Variants in LPP observed in about 807,000 individuals in gnomAD.
The protein encoded by LPP is LIM domain containing preferred translocation partner in lipoma, also known as lipoma-preferred partner.
LPP carries 38 observed loss-of-function variants against 60.4 expected under a neutral mutation model. That is an observed-to-expected ratio of 0.63 (90% CI 0.49 to 0.83). The LOEUF (loss-of-function observed/expected upper bound fraction) is 0.83, where lower values mean the gene tolerates loss of function less well. LPP is among the 40% of genes least tolerant of loss of function. LPP has a pLI of 0.00. For synonymous variants in LPP, 328 were observed against 290.8 expected, an observed-to-expected ratio of 1.13 and a Z score of -1.30; for missense variants, 902 against 783.6, an observed-to-expected ratio of 1.15 and a Z score of -1.80.
At chr3:188,510,457 C>G (rs541084479) in intron 5 of LPP, among the ~76,000 whole-genome samples, 1 of 152,306 alleles carries the variant, frequency 6.6e-6, no homozygotes, top group Non-Finnish European at 1.5e-5. Context: ...GGAATTTCTG[C>G]TGGGAGTGTT....
Position 188,888,013 on chromosome 3 carries a change from G to A in LPP, c.*13534G>A, listed in dbSNP as rs71308941. The A allele has an allele frequency of 0.034, 7,319 of 212,762 alleles. 162 individuals are homozygous for A. The highest frequency in any genetic ancestry group is 0.051 in the Non-Finnish European group (5,342 of 105,176). The allele number at this position is 212,762 out of a possible 1,614,324, so 13.2% of individuals were successfully genotyped here. On this transcript the variant is annotated 3_prime_UTR_variant, in exon 12 of 12. Transcript: ENST00000617246. ...TGACACTTGATTGTCTGATTATTTG[G>A]CATGTATAAAATTATCATGTGGCTT... is the stretch of plus-strand genomic sequence containing the variant.
At chr3:188,460,510 C>G (rs1303560290) in intron 4 of LPP, among the ~76,000 whole-genome samples, 1 of 152,182 alleles carries the variant, frequency 6.6e-6, no homozygotes, top group Non-Finnish European at 1.5e-5. Flanking sequence ...GAACAGAATT[C>G]TCTTTAATCT....
chr3:188,361,751 A>G (rs369685688), intron 3 of LPP, among the ~76,000 whole-genome samples: 1 of 151,954 alleles, frequency 6.6e-6, no homozygotes. Context: ...TATTTTTAGT[A>G]GAGATGGGGT....
chr3:188,818,780 C>T (rs1459425069), intron 9 of LPP, among the ~76,000 whole-genome samples: 1 of 152,174 alleles, frequency 6.6e-6, no homozygotes. Context: ...CCTTCCCTTG[C>T]AGAGTTGTTA....
intron 9 of LPP, among the ~76,000 whole-genome samples, chr3:188,818,502 G>A (rs748400975): frequency 6.6e-6 from 1 of 152,210 alleles, no homozygotes; most frequent in Non-Finnish European, 1.5e-5. Context: ...GGACTTTCAC[G>A]GTTCCATGTC....
intron 8 of LPP, among the ~76,000 whole-genome samples, chr3:188,757,882 T>TTTTTTGG (rs1730794953): frequency 1.0e-5 from 1 of 96,330 alleles, no homozygotes; most frequent in South Asian, 4.2e-4. Context: ...GTGGTTTTGT[T>TTTTTTGG]TTTTTGGTTT....
intron 9 of LPP, among the ~76,000 whole-genome samples, chr3:188,855,106 G>C (rs1455499102): frequency 6.6e-6 from 1 of 152,172 alleles, no homozygotes; most frequent in Non-Finnish European, 1.5e-5. Flanking sequence ...TAAGTAAAAA[G>C]AGCATTCTCC....
At chr3:188,266,460 GAGA>G (rs1026055478) in intron 2 of LPP, among the ~76,000 whole-genome samples, 7 of 151,788 alleles carry the variant, frequency 4.6e-5, no homozygotes, top group African/African-American at 9.7e-5. Flanking sequence ...AGTGGCTGGG[GAGA>G]AGATGTGAAA....
intron 2 of LPP, among the ~76,000 whole-genome samples, chr3:188,297,476 A>T (rs1254999338): frequency 2.0e-5 from 3 of 152,246 alleles, no homozygotes; most frequent in Non-Finnish European, 4.4e-5. Flanking sequence ...AGCAGAAAAG[A>T]TTCTTGGAAA....
At chr3:188,173,880 A>T (rs1206288547) in intron 1 of LPP, among the ~76,000 whole-genome samples, 1 of 152,234 alleles carries the variant, frequency 6.6e-6, no homozygotes, top group Non-Finnish European at 1.5e-5. Flanking sequence ...GTGAGCAACT[A>T]TCGGGGACTC....
At chr3:188,488,851 T>G (rs957099725) in intron 5 of LPP, among the ~76,000 whole-genome samples, 1 of 151,976 alleles carries the variant, frequency 6.6e-6, no homozygotes, top group African/African-American at 2.4e-5. Flanking sequence ...ATTGGCCAGG[T>G]TGGTCTCAAA....
chr3:188,746,570 C>G (rs1181304356), intron 8 of LPP: 2 of 485,306 alleles, frequency 4.1e-6, no homozygotes, highest in South Asian at 1.6e-5. Context: ...TGTGGTATCT[C>G]TTGCCCAAGA....
At chr3:188,503,752 A>C (rs1812640015) in intron 5 of LPP, among the ~76,000 whole-genome samples, 1 of 151,786 alleles carries the variant, frequency 6.6e-6, no homozygotes, top group South Asian at 2.1e-4. Context: ...AGCACTTTGA[A>C]TATATTGGCC....
intron 7 of LPP, among the ~76,000 whole-genome samples, chr3:188,619,335 C>T (rs1845408538): frequency 6.6e-6 from 1 of 152,124 alleles, no homozygotes; most frequent in Non-Finnish European, 1.5e-5. Context: ...AGAAACCATG[C>T]TTTATAATCC....
intron 9 of LPP, among the ~76,000 whole-genome samples, chr3:188,841,389 ATTTG>A (rs199785072): frequency 2.1e-5 from 2 of 94,556 alleles, no homozygotes; most frequent in African/African-American, 9.5e-5. Flanking sequence ...CCCTTTCTGA[ATTTG>A]TTTTTTTTTT....
intron 7 of LPP, among the ~76,000 whole-genome samples, chr3:188,615,141 C>G (rs1448708084): frequency 1.3e-5 from 2 of 152,174 alleles, no homozygotes; most frequent in Non-Finnish European, 2.9e-5. Context: ...TTTGCAAAAA[C>G]CTTAATAAGT....
chr3:188,725,936 T>C (rs1405012697), intron 8 of LPP, among the ~76,000 whole-genome samples: 1 of 152,086 alleles, frequency 6.6e-6, no homozygotes, highest in Admixed American at 6.6e-5. Flanking sequence ...GACAAAGGTA[T>C]AGAGACCAAC....
chr3:188,444,892 A>C (rs903538568), intron 4 of LPP, among the ~76,000 whole-genome samples: 2 of 152,220 alleles, frequency 1.3e-5, no homozygotes, highest in Non-Finnish European at 1.5e-5. Flanking sequence ...AAAAAACCTC[A>C]CTATCACTGG....
At chr3:188,386,565 A>G (rs986593830) in intron 3 of LPP, among the ~76,000 whole-genome samples, 4 of 152,208 alleles carry the variant, frequency 2.6e-5, no homozygotes, top group African/African-American at 9.6e-5. Context: ...CTGCAGTGAG[A>G]AAAGTCAAGG....
Sources: gnomAD v4.1 joint callset for allele counts (sites outside exome capture counted in the v4.1 genomes callset) on GRCh38, gnomAD v4.1.1 for gene constraint, MANE v1.5 for transcripts, NCBI Gene and HGNC (gene_info 2026-07-23, HGNC 2026-07-21) for gene names.